Variants in TMEM242 observed in about 807,000 individuals in gnomAD.
TMEM242 encodes transmembrane protein 242, also known as UPF0463 transmembrane protein C6orf35.
In TMEM242, 10 loss-of-function variants were observed where a neutral mutation model predicts 18.2. That is an observed-to-expected ratio of 0.55 (90% confidence interval 0.34 to 0.93). TMEM242 has a LOEUF of 0.93. Among genes scored for constraint, TMEM242 ranks in the 40% least tolerant of loss-of-function variants. TMEM242 has a pLI of 0.02. For synonymous variants in TMEM242, 57 were observed against 69.9 expected, an observed-to-expected ratio of 0.81 and a Z score of 0.92; for missense variants, 186 against 175.5, an observed-to-expected ratio of 1.06 and a Z score of -0.34.
In TMEM242 at chr6:157,289,251, C is replaced by T. The variant is rs587741856; in HGVS notation, c.*3650G>A. 28 of 152,272 alleles carry T rather than the reference C, an allele frequency of 1.8e-4. No individual in the cohort carries two copies. Among genetic ancestry groups the T allele is most frequent in the African/African-American group, 6.5e-4 (27 of 41,556 alleles). 9.4% of individuals were successfully genotyped at this position (152,272 alleles called of 1,614,324 possible). A position where few individuals can be genotyped will look rare whatever the true frequency, so the allele number is the denominator to read the frequency against. ...CAAAACTGAGTTATCTGCCATCACA[C>T]AAAATTTGCTAACAGCCTCACTCAT... On this transcript the variant is annotated 3_prime_UTR_variant, in exon 4 of 4. Coordinates refer to ENST00000400788, the MANE Select transcript of TMEM242 (RefSeq NM_018452.6).
At chr6:157,308,500 C>T (rs1283007754) in intron 3 of TMEM242, among the ~76,000 whole-genome samples, 1 of 152,156 alleles carries the variant, frequency 6.6e-6, no homozygotes, top group Non-Finnish European at 1.5e-5. Flanking sequence ...CTTAAAGATT[C>T]TCTTGTAATA....
chr6:157,300,405 A>C (rs1554247440), intron 3 of TMEM242, among the ~76,000 whole-genome samples: 4 of 152,256 alleles, frequency 2.6e-5, no homozygotes, highest in African/African-American at 9.6e-5. Flanking sequence ...TGACATGCTT[A>C]AGAGGTTAAC....
chr6:157,312,357 G>GTGCCCCAGTGTGCGCTCACC (rs1778175527), intron 3 of TMEM242, among the ~76,000 whole-genome samples: 20 of 38,622 alleles, frequency 5.2e-4, no homozygotes, highest in African/African-American at 1.2e-3. Flanking sequence ...GCCTCATCAT[G>GTGCCCCAGTGTGCGCTCACC]TCCCAGTGTG....
intron 3 of TMEM242, among the ~76,000 whole-genome samples, chr6:157,306,810 A>C (rs1340568809): frequency 6.6e-6 from 1 of 152,246 alleles, no homozygotes; most frequent in Non-Finnish European, 1.5e-5. Flanking sequence ...ATAAAAGCCT[A>C]GAATCTGTCA....
chr6:157,309,509 C>A (rs587605830), intron 3 of TMEM242, among the ~76,000 whole-genome samples: 36 of 152,278 alleles, frequency 2.4e-4, no homozygotes, highest in African/African-American at 8.7e-4. Flanking sequence ...ACACCTCAGC[C>A]TCCTGAGTAG....
intron 2 of TMEM242, among the ~76,000 whole-genome samples, chr6:157,322,497 C>T (rs1184640805): frequency 6.6e-6 from 1 of 152,066 alleles, no homozygotes; most frequent in Non-Finnish European, 1.5e-5. Flanking sequence ...AGTCTTGTTC[C>T]GCTAAAATTT....
chr6:157,322,387 T>C (rs1778510538), intron 2 of TMEM242, among the ~76,000 whole-genome samples: 1 of 152,164 alleles, frequency 6.6e-6, no homozygotes, highest in South Asian at 2.1e-4. Context: ...CCTCTCGGCT[T>C]CCCAAAGTGC....
At chr6:157,310,758 GGCCTCATCATAGGGTCCCAGTGTGCA>G (rs1562382196) in intron 3 of TMEM242, among the ~76,000 whole-genome samples, 1 of 3,920 alleles carries the variant, frequency 2.6e-4, no homozygotes, top group African/African-American at 1.2e-3. Flanking sequence ...GCACTCACCC[GGCCTCATCATAGGGTCCCAGTGTGCA>G]CTCACCCGGC....
At chr6:157,307,124 G>C (rs1217464730) in intron 3 of TMEM242, among the ~76,000 whole-genome samples, 3 of 152,184 alleles carry the variant, frequency 2.0e-5, no homozygotes, top group African/African-American at 7.2e-5. Flanking sequence ...CGGAGCTTGA[G>C]GGGGAAGCAA....
At chr6:157,299,779 A>C in intron 3 of TMEM242, 1 of 1,603,518 alleles carries the variant, frequency 6.2e-7, no homozygotes, top group Non-Finnish European at 8.5e-7. Context: ...TGCTACAAAC[A>C]ATATTTGGCG....
intron 3 of TMEM242, among the ~76,000 whole-genome samples, chr6:157,312,390 T>TGTCCCAGTGTGCACTC (rs1778181081): frequency 7.7e-6 from 1 of 129,580 alleles, no homozygotes. Context: ...CTCATCATAG[T>TGTCCCAGTGTGCACTC]ACCGCAGTAT....
chr6:157,315,174 T>C (rs1778367137), intron 3 of TMEM242, among the ~76,000 whole-genome samples: 1 of 152,236 alleles, frequency 6.6e-6, no homozygotes, highest in African/African-American at 2.4e-5. Context: ...GGTAACCTCA[T>C]AATTATCAAA....
At chr6:157,296,917 T>C (rs587709434) in intron 3 of TMEM242, among the ~76,000 whole-genome samples, 1 of 152,358 alleles carries the variant, frequency 6.6e-6, no homozygotes, top group Admixed American at 6.5e-5. Context: ...GAAAATGTAT[T>C]ACAAGTAATT....
intron 3 of TMEM242, among the ~76,000 whole-genome samples, chr6:157,302,786 T>A (rs1777848734): frequency 6.6e-6 from 1 of 152,180 alleles, no homozygotes; most frequent in Admixed American, 6.5e-5. Context: ...AAATTATCTA[T>A]TCAAAACGCA....
In TMEM242 at chr6:157,289,408, C is replaced by T. The variant is rs1390923307; in HGVS notation, c.*3493G>A. 1 of 152,182 alleles carries T rather than the reference C, an allele frequency of 6.6e-6. No individual in the cohort carries two copies. The highest frequency in any genetic ancestry group is 2.4e-5 in the African/African-American group (1 of 41,438). The allele number at this position is 152,182 out of a possible 1,614,324, so 9.4% of individuals were successfully genotyped here. ...AAATACTTGCTATATCATTTAATGA[C>T]TCTTGGCAGAAAGCAAAAACACTTC... On this transcript the variant is annotated 3_prime_UTR_variant, in exon 4 of 4. Coordinates refer to ENST00000400788, the MANE Select transcript of TMEM242 (RefSeq NM_018452.6).
At chr6:157,309,592 TG>T (rs1220758523) in intron 3 of TMEM242, among the ~76,000 whole-genome samples, 2 of 152,140 alleles carry the variant, frequency 1.3e-5, no homozygotes, top group African/African-American at 4.8e-5. Flanking sequence ...GGTCTCGCTA[TG>T]TTGCCTAGGC....
intron 3 of TMEM242, among the ~76,000 whole-genome samples, chr6:157,308,370 G>A (rs1777944226): frequency 1.3e-5 from 2 of 152,200 alleles, no homozygotes; most frequent in South Asian, 4.1e-4. Context: ...ACTAAGAAGT[G>A]AGCCTAAATA....
At chr6:157,294,204 C>T (rs879971856) in intron 3 of TMEM242, among the ~76,000 whole-genome samples, 2 of 152,138 alleles carry the variant, frequency 1.3e-5, no homozygotes, top group Admixed American at 6.5e-5. Context: ...GGTCCTCCTA[C>T]GAAGACATTT....
intron 3 of TMEM242, among the ~76,000 whole-genome samples, chr6:157,315,737 T>C (rs1401921373): frequency 2.0e-5 from 3 of 152,226 alleles, no homozygotes; most frequent in Admixed American, 2.0e-4. Context: ...AATCCTTGTA[T>C]CAATGCCAAA....
Sources: gnomAD v4.1 joint callset for allele counts (sites outside exome capture counted in the v4.1 genomes callset) on GRCh38, gnomAD v4.1.1 for gene constraint, MANE v1.5 for transcripts, NCBI Gene and HGNC (gene_info 2026-07-23, HGNC 2026-07-21) for gene names.